The following GDPD4 variants were observed in gnomAD, a reference collection of about 807,000 sequenced individuals.
GDPD4 encodes the protein glycerophosphodiester phosphodiesterase domain containing 4.
GDPD4 carries 60 observed loss-of-function variants against 67.8 expected under a neutral mutation model. The observed-to-expected ratio is 0.88, with a 90% CI of 0.72 to 1.10. The LOEUF (loss-of-function observed/expected upper bound fraction) is 1.10. Ranked by LOEUF, GDPD4 falls within the 50% of genes least tolerant of loss-of-function variation. GDPD4 has a pLI of 0.00. For synonymous variants in GDPD4, 212 were observed against 210.9 expected (o/e 1.00, Z -0.04); for missense variants, 623 against 613.9 (o/e 1.01, Z -0.16).
In GDPD4 at chr11:77,254,024, G is replaced by T. The variant is rs138045776; in HGVS notation, c.864+4362C>A. Among the ~76,000 whole-genome samples the T allele has an allele frequency of 7.2e-5, 11 of 152,176 alleles. No individual in the cohort carries two copies. In the East Asian group the frequency reaches 1.9e-3, roughly 27 times the overall value. On this transcript the variant is annotated intron_variant, in intron 11 of 16. Transcript: ENST00000315938. ...ACTCTGTTGGGGTGGTTCCCCAGTA[G>T]TTTAGCATAAGGGATGAAGGGGTGC...
intron 1 of GDPD4, among the ~76,000 whole-genome samples, chr11:77,294,392 A>T (rs1300497796): frequency 6.6e-6 from 1 of 152,230 alleles, no homozygotes; most frequent in African/African-American, 2.4e-5. Flanking sequence ...TAACAAACAC[A>T]TACTTAGGTA....
Position 77,245,448 on chromosome 11 carries a change from T to C in GDPD4, c.919A>G (p.Arg307Gly), listed in dbSNP as rs773785529. 6.2e-7 allele frequency: 1 copy of C among 1,614,168 alleles called. No individual in the cohort carries two copies. The highest frequency in any genetic ancestry group is 1.1e-5 in the South Asian group (1 of 91,084). The stretch of plus-strand genomic sequence containing the variant: ...GCTAGTGTTGGAATTGACTGATTTC[T>C]TGCTCTTTCTTTATCTGCCTCTGAT... ...PLSEADKERA[R>G]NQSIPTLADL... The change falls in exon 12 of 17, where the codon AGA (arginine) becomes GGA (glycine). Residue 307 changes from arginine to glycine, a missense_variant. Arg to Gly is a moderately radical substitution (Grantham distance 125). Coordinates refer to ENST00000315938, the MANE Select transcript of GDPD4 (RefSeq NM_182833.3).
At position 77,220,575 on chromosome 11, in the gene GDPD4, A is replaced by C. The variant is rs201993164; in HGVS notation, c.1526-3261T>G. Among the ~76,000 whole-genome samples the C allele has an allele frequency of 5.9e-5, 9 of 152,306 alleles. No homozygotes were observed. In the East Asian group the frequency reaches 1.7e-3, roughly 29 times the overall value. The stretch of plus-strand genomic sequence containing the variant: ...GAAGCCAACTTGATCTTGGTAGATT[A>C]GCTTTTTGATGTGCTGCTGGATTCG... On this transcript the variant is annotated intron_variant, in intron 16 of 16. Transcript: ENST00000315938.
Position 77,243,687 on chromosome 11 carries a change from C to G in GDPD4, c.1241+7G>C. 1 of 1,609,240 alleles carries G rather than the reference C, an allele frequency of 6.2e-7. No individual in the cohort carries two copies. Among genetic ancestry groups the G allele is most frequent in the Non-Finnish European group, 8.5e-7 (1 of 1,175,638 alleles). On this transcript the variant is annotated splice_region_variant and intron_variant, in intron 13 of 16. Transcript: ENST00000315938. ...ATGTGCCAAGAGAGGTGTGGTCAAA[C>G]ACTTACCTTAACCCATTAGGGAACA... is the stretch of plus-strand genomic sequence containing the variant.
chr11:77,254,650 A>G (rs72935639), intron 11 of GDPD4, among the ~76,000 whole-genome samples: 7,438 of 152,246 alleles, frequency 0.049, 225 homozygotes, highest in Middle Eastern at 0.092. Flanking sequence ...TCATTTCTAT[A>G]ATTATACTTT....
intron 1 of GDPD4, among the ~76,000 whole-genome samples, chr11:77,295,579 C>A (rs1452559223): frequency 2.6e-5 from 4 of 152,004 alleles, no homozygotes; most frequent in African/African-American, 9.7e-5. Flanking sequence ...TGCAGCAAGC[C>A]ATGATGGGGC....
intron 10 of GDPD4, among the ~76,000 whole-genome samples, chr11:77,267,859 G>A (rs1272684156): frequency 6.6e-6 from 1 of 151,834 alleles, no homozygotes; most frequent in African/African-American, 2.4e-5. Context: ...TTGGTAAAAT[G>A]GTATTTTTCC....
intron 1 of GDPD4, among the ~76,000 whole-genome samples, chr11:77,291,413 A>C (rs1937773160): frequency 6.6e-6 from 1 of 152,212 alleles, no homozygotes; most frequent in Admixed American, 6.5e-5. Context: ...TAATAAGTAC[A>C]AACATACAGT....
chr11:77,263,516 A>T (rs986769966), intron 10 of GDPD4, among the ~76,000 whole-genome samples: 1 of 152,172 alleles, frequency 6.6e-6, no homozygotes, highest in Non-Finnish European at 1.5e-5. Context: ...GTCCAAAAGG[A>T]GGCAGGAAAG....
At chr11:77,249,322 A>G (rs1222668705) in intron 11 of GDPD4, among the ~76,000 whole-genome samples, 3 of 151,966 alleles carry the variant, frequency 2.0e-5, no homozygotes, top group Admixed American at 2.0e-4. Flanking sequence ...ACAAGAAGAA[A>G]TGTACTACAG....
At chr11:77,293,689 C>T (rs1937856706) in intron 1 of GDPD4, among the ~76,000 whole-genome samples, 1 of 152,028 alleles carries the variant, frequency 6.6e-6, no homozygotes, top group Admixed American at 6.6e-5. Flanking sequence ...CAAATTCAAA[C>T]TCCATTCCTG....
At chr11:77,241,595 G>A (rs915656859) in intron 13 of GDPD4, among the ~76,000 whole-genome samples, 7 of 129,238 alleles carry the variant, frequency 5.4e-5, no homozygotes, top group Non-Finnish European at 7.7e-5. Flanking sequence ...CCAAGATCAC[G>A]CCACTGCCTT....
At chr11:77,275,153 T>G (rs758201273) in intron 5 of GDPD4, among the ~76,000 whole-genome samples, 5 of 152,216 alleles carry the variant, frequency 3.3e-5, no homozygotes, top group African/African-American at 9.7e-5. Flanking sequence ...ATTGTAGGCA[T>G]ATATCAAAAT....
intron 4 of GDPD4, among the ~76,000 whole-genome samples, chr11:77,276,539 C>T (rs1042399250): frequency 2.0e-5 from 3 of 152,194 alleles, no homozygotes; most frequent in Non-Finnish European, 2.9e-5. Context: ...AGTTGAGTTC[C>T]TGCCCATTTC....
At chr11:77,224,979 CTGTGGTCCCAGATACTAGGGAGG>C (rs1358834129) in intron 16 of GDPD4, among the ~76,000 whole-genome samples, 1 of 150,726 alleles carries the variant, frequency 6.6e-6, no homozygotes, top group East Asian at 2.0e-4. Context: ...TGGTTTGTGC[CTGTGGTCCCAGATACTAGGGAGG>C]CTAAGGCAGG....
rs1025044304 is a variant in GDPD4 at position 77,301,641 on chromosome 11, C to A, written c.-290G>T. ...AGTCCCAACCCAAATCCAATCTTCA[C>A]GCCTGAGGAGACCAGCGTCTCTTAA... On this transcript the variant is annotated 5_prime_UTR_variant, in exon 1 of 17. Transcript: ENST00000315938. 6.6e-6 allele frequency: 1 copy of A among 152,158 alleles called. No individual in the cohort carries two copies. Among genetic ancestry groups the A allele is most frequent in the African/African-American group, 2.4e-5 (1 of 41,410 alleles). The allele number at this position is 152,158 out of a possible 1,614,324, so 9.4% of individuals were successfully genotyped here.
At chr11:77,260,907 C>T (rs561086092) in intron 10 of GDPD4, among the ~76,000 whole-genome samples, 4 of 151,980 alleles carry the variant, frequency 2.6e-5, no homozygotes, top group Non-Finnish European at 4.4e-5. Context: ...GCATCAGTGA[C>T]CTGTAAGGCA....
At chr11:77,297,064 A>AC (rs1377106690) in intron 1 of GDPD4, among the ~76,000 whole-genome samples, 24 of 139,956 alleles carry the variant, frequency 1.7e-4, no homozygotes, top group South Asian at 6.3e-4. Context: ...AAAAAACAAA[A>AC]AAAAAAAAAC....
At chr11:77,300,182 C>T (rs533712947) in intron 1 of GDPD4, among the ~76,000 whole-genome samples, 86 of 152,258 alleles carry the variant, frequency 5.6e-4, no homozygotes, top group African/African-American at 2.0e-3. Flanking sequence ...CACCCTCACT[C>T]CCGCCAAACC....
Sources: allele counts gnomAD v4.1 joint callset (sites outside exome capture counted in the v4.1 genomes callset), GRCh38; gene constraint gnomAD v4.1.1; transcripts MANE v1.5; gene names NCBI Gene and HGNC (gene_info 2026-07-23, HGNC 2026-07-21).